Variants in ZBED6 observed in about 807,000 individuals in gnomAD.
ZBED6 encodes zinc finger BED domain-containing protein 6.
In ZBED6, 40 loss-of-function variants were observed where a neutral mutation model predicts 58.4. That is an observed-to-expected ratio of 0.68 (90% CI 0.53 to 0.89). ZBED6 has a LOEUF of 0.89. Ranked by LOEUF, ZBED6 falls within the 40% of genes least tolerant of loss-of-function variation. The pLI, the probability that ZBED6 is intolerant of heterozygous loss-of-function variation, is 0.00. For missense variants in ZBED6, 1,057 were observed against 1,003.9 expected, an observed-to-expected ratio of 1.05 and a Z score of -0.71; for synonymous variants, 439 against 350.6, an observed-to-expected ratio of 1.25 and a Z score of -2.82.
intron 3 of ZBED6, among the ~76,000 whole-genome samples, chr1:203,821,756 G>T (rs1276207096): frequency 6.6e-6 from 1 of 151,562 alleles, no homozygotes; most frequent in African/African-American, 2.4e-5. Flanking sequence ...TATGGTTTTT[G>T]GTTTTGTTTT....
chr1:203,836,107 G>T (rs1254901234), intron 9 of ZBED6, among the ~76,000 whole-genome samples: 2 of 152,184 alleles, frequency 1.3e-5, no homozygotes, highest in African/African-American at 4.8e-5. Flanking sequence ...ACTAAGCCAG[G>T]TATGGTGGTG....
intron 1 of ZBED6, among the ~76,000 whole-genome samples, chr1:203,806,788 A>G (rs945923864): frequency 3.5e-5 from 5 of 141,352 alleles, no homozygotes; most frequent in Non-Finnish European, 7.6e-5. Context: ...GTACCTTACA[A>G]TTTACCAAGT....
chr1:203,850,744 C>T (rs1311612294), intron 15 of ZBED6, 63 bp downstream of exon 15: 2 of 1,561,998 alleles, frequency 1.3e-6, no homozygotes, highest in Non-Finnish European at 8.7e-7. Flanking sequence ...GAAAGACTAA[C>T]TCTCCACTAG....
intron 1 of ZBED6, among the ~76,000 whole-genome samples, chr1:203,812,578 ATTTTTTTTT>A (rs386369376): frequency 9.1e-6 from 1 of 109,316 alleles, no homozygotes; most frequent in Non-Finnish European, 1.8e-5. Context: ...GCCATTCTAA[ATTTTTTTTT>A]TTTTTTTTTT....
At chr1:203,850,408 T>C in intron 14 of ZBED6, 107 bp from the exon 15 acceptor site, 1 of 1,465,916 alleles carries the variant, frequency 6.8e-7, no homozygotes. Context: ...AATGAATTAT[T>C]TGTGGTATTT....
At chr1:203,828,264 T>TG (rs1465809888) in intron 3 of ZBED6, 35 bp from the exon 4 acceptor site, 1 of 1,613,150 alleles carries the variant, frequency 6.2e-7, no homozygotes, top group South Asian at 1.1e-5. Context: ...GTATCACTGT[T>TG]TTATTTGAAA....
intron 11 of ZBED6, among the ~76,000 whole-genome samples, chr1:203,844,210 G>A (rs1687272466): frequency 6.6e-6 from 1 of 151,500 alleles, no homozygotes; most frequent in Non-Finnish European, 1.5e-5. Context: ...CATCCAGGCT[G>A]GAGTGCAGTG....
chr1:203,796,447 G>A (rs777109089), exon 1 of ZBED6: 1 of 398,930 alleles, frequency 2.5e-6, no homozygotes, highest in African/African-American at 2.1e-5. Context: ...CGTTCTCCTT[G>A]TAGGACTGGT....
chr1:203,803,832 C>A (rs1415003378), intron 1 of ZBED6, among the ~76,000 whole-genome samples: 2 of 152,094 alleles, frequency 1.3e-5, no homozygotes, highest in Non-Finnish European at 2.9e-5. Context: ...TTCTCAAACT[C>A]CTGGGTTCAA....
chr1:203,828,578 A>C (rs1182178430), intron 4 of ZBED6, among the ~76,000 whole-genome samples, 156 bp downstream of exon 4: 1 of 152,258 alleles, frequency 6.6e-6, no homozygotes, highest in Non-Finnish European at 1.5e-5. Context: ...ATTAAGGTTA[A>C]ATGATTTATC....
intron 4 of ZBED6, among the ~76,000 whole-genome samples, chr1:203,828,960 A>G (rs918071919): frequency 1.3e-5 from 2 of 152,238 alleles, no homozygotes; most frequent in Admixed American, 1.3e-4. Flanking sequence ...CCCAAAGTTC[A>G]TTTTAAAGTA....
At chr1:203,850,970 A>G in intron 15 of ZBED6, 87 bp from the exon 16 acceptor site, 2 of 1,464,502 alleles carry the variant, frequency 1.4e-6, no homozygotes, top group Non-Finnish European at 1.9e-6. Flanking sequence ...TCATAGCCAC[A>G]ATTCTAAGAA....
intron 12 of ZBED6, among the ~76,000 whole-genome samples, 197 bp downstream of exon 12, chr1:203,847,884 C>G (rs142038998): frequency 6.6e-6 from 1 of 152,096 alleles, no homozygotes; most frequent in African/African-American, 2.4e-5. Flanking sequence ...GAGACAGAGT[C>G]TCACTCTGTC....
At chr1:203,830,051 C>CT (rs1572175957) in intron 6 of ZBED6, 72 bp from the exon 7 acceptor site, 2 of 1,357,020 alleles carry the variant, frequency 1.5e-6, no homozygotes, top group East Asian at 4.6e-5. Flanking sequence ...AAATAAATGC[C>CT]TGCTATGTAC....
In ZBED6 at chr1:203,852,125, C is replaced by CTTTTTTT; in HGVS notation, c.*4874-14_*4874-8dup. Reference sequence around the variant, plus strand: ...TTTAAAACGGCAGTTTTCTAATAATCTTTTTTTTCTTACAGTCTTGTGCTG... The same window carrying CTTTTTTT: ...TTTAAAACGGCAGTTTTCTAATAATCTTTTTTTTTTTTTTTCTTACAGTCTTGTGCTG... On this transcript the variant is annotated splice_polypyrimidine_tract_variant and intron_variant, in intron 16 of 16. Coordinates refer to ENST00000550078, the Ensembl canonical transcript of ZBED6. 6.2e-7 allele frequency: 1 copy of CTTTTTTT among 1,612,580 alleles called. No individual in the cohort carries two copies. Among genetic ancestry groups the CTTTTTTT allele is most frequent in the Admixed American group, 1.7e-5 (1 of 59,736 alleles).
chr1:203,850,362 A>G, intron 14 of ZBED6, 153 bp from the exon 15 acceptor site: 1 of 1,169,670 alleles, frequency 8.5e-7, no homozygotes, highest in Non-Finnish European at 1.3e-6. Context: ...CCATGTGACC[A>G]CAAATTGCCT....
exon 1 of ZBED6, chr1:203,798,126 G>T: frequency 3.9e-6 from 6 of 1,536,130 alleles, no homozygotes; most frequent in Non-Finnish European, 5.2e-6. Context: ...CTTTACCTTG[G>T]ATGTGTCTTT....
intron 3 of ZBED6, among the ~76,000 whole-genome samples, chr1:203,827,261 C>T (rs1416062884): frequency 6.6e-6 from 1 of 151,896 alleles, no homozygotes; most frequent in African/African-American, 2.4e-5. Flanking sequence ...ATTGCTTATA[C>T]ACAGCTGTTG....
chr1:203,817,632 G>T (rs1393724491), intron 2 of ZBED6, among the ~76,000 whole-genome samples: 1 of 151,752 alleles, frequency 6.6e-6, no homozygotes, highest in Non-Finnish European at 1.5e-5. Flanking sequence ...CAAAACTTCT[G>T]TTTTTCTCCT....
Sources: gnomAD v4.1 joint callset for allele counts (sites outside exome capture counted in the v4.1 genomes callset) on GRCh38, gnomAD v4.1.1 for gene constraint, MANE v1.5 for transcripts, NCBI Gene and HGNC (gene_info 2026-07-23, HGNC 2026-07-21) for gene names.